Variants in C4orf50 observed in about 807,000 individuals in gnomAD.
C4orf50 encodes uncharacterized protein C4orf50.
C4orf50 carries 80 observed loss-of-function variants against 77.2 expected under a neutral mutation model. That is an observed-to-expected ratio of 1.04 (90% CI 0.87 to 1.25). C4orf50 has a LOEUF of 1.25. Among genes scored for constraint, C4orf50 ranks in the 50% most tolerant of loss-of-function variants. The pLI, the probability that C4orf50 is intolerant of heterozygous loss-of-function variation, is 0.00. For missense variants in C4orf50, 1,257 were observed against 1,152.9 expected, an observed-to-expected ratio of 1.09 and a Z score of -1.31; for synonymous variants, 532 against 465.3, an observed-to-expected ratio of 1.14 and a Z score of -1.84.
downstream of C4orf50, chr4:5,956,670 T>G (rs1718974883): frequency 6.6e-6 from 1 of 152,280 alleles, no homozygotes; most frequent in South Asian, 2.1e-4. Flanking sequence ...GAGGTGGGGC[T>G]CCTTTGTGCA....
intron 32 of C4orf50, among the ~76,000 whole-genome samples, chr4:5,966,609 AC>A (rs1285912522): frequency 6.6e-6 from 1 of 151,870 alleles, no homozygotes; most frequent in Non-Finnish European, 1.5e-5. Context: ...CCAGATGTGC[AC>A]ATCGAATTAT....
At chr4:5,989,984 G>C (rs950390235) in exon 28 of C4orf50, 1 of 1,407,708 alleles carries the variant, frequency 7.1e-7, no homozygotes, top group Non-Finnish European at 9.2e-7. Context: ...CCTGCGAGGA[G>C]CTGACTGTCT....
chr4:5,964,944 A>G, intron 33 of C4orf50, 80 bp downstream of exon 11: 1 of 1,412,836 alleles, frequency 7.1e-7, no homozygotes, highest in Non-Finnish European at 9.8e-7. Flanking sequence ...TATCGCTTGG[A>G]TAATTTGCTA....
chr4:6,013,965 C>A (rs1434047534), intron 23 of C4orf50, among the ~76,000 whole-genome samples: 2 of 151,452 alleles, frequency 1.3e-5, no homozygotes, highest in Admixed American at 1.3e-4. Flanking sequence ...AAACCAGTGA[C>A]AAGTGTGGAT....
At chr4:5,942,906 T>C (rs1435265643) in intron 7 of C4orf50, among the ~76,000 whole-genome samples, 1 of 152,186 alleles carries the variant, frequency 6.6e-6, no homozygotes, top group African/African-American at 2.4e-5. Context: ...AAAATGAACA[T>C]CTCTTACTGG....
chr4:5,988,226 G>A, intron 28 of C4orf50, 121 bp downstream of exon 6: 1 of 1,289,646 alleles, frequency 7.8e-7, no homozygotes, highest in South Asian at 1.4e-5. Flanking sequence ...CTCTCATCTG[G>A]TAAGTGGGGA....
At chr4:5,974,752 G>T (rs1175928266) in intron 30 of C4orf50, among the ~76,000 whole-genome samples, 2 of 152,296 alleles carry the variant, frequency 1.3e-5, no homozygotes, top group East Asian at 3.9e-4. Context: ...TGCTAGCAAA[G>T]AATATATTAA....
chr4:6,008,430 G>C lies in C4orf50; in HGVS notation c.529C>G (p.Leu177Val). Residue 177 changes from leucine to valine, a missense_variant, in exon 25 of 34, where the codon CTG becomes GTG. Transcript: ENST00000531445. The surrounding 1 kb of genome is among the most constrained non-coding windows in gnomAD (Gnocchi z 6.0). ...CGCTGGGTCCGCCGGCAGCGCTCCA[G>C]GGCCGCCGCCTGCTGCCCCAGTGCC... 5.0e-6 allele frequency: 2 copies of C among 396,308 alleles called. No homozygotes were observed. Among genetic ancestry groups the C allele is most frequent in the Non-Finnish European group, 4.5e-6 (1 of 224,574 alleles). The allele number at this position is 396,308 out of a possible 1,614,324, so 24.5% of individuals were successfully genotyped here. A position where few individuals can be genotyped will look rare whatever the true frequency, so the allele number is the denominator to read the frequency against.
At chr4:5,920,067 G>C (rs920459877) in intron 7 of C4orf50, among the ~76,000 whole-genome samples, 1 of 152,212 alleles carries the variant, frequency 6.6e-6, no homozygotes, top group African/African-American at 2.4e-5. Context: ...ATGATTTACA[G>C]CACACACTGT....
At position 5,921,770 on chromosome 4, in the gene C4orf50, T is replaced by C. The variant is rs964177595; in HGVS notation, c.*2475-23582A>G. ...GAGTGGGTGGATATAAGAAGTATTT[T>C]TGCACACAGGAGTGATATAAAAAGT... is the stretch of plus-strand genomic sequence containing the variant. On this transcript the variant is annotated intron_variant, in intron 7 of 7. Transcript: ENST00000324058. 2.6e-5 allele frequency among the ~76,000 whole-genome samples: 4 copies of C among 152,224 alleles called. No individual in the cohort carries two copies. In the East Asian group the frequency reaches 5.8e-4, roughly 22 times the overall value.
exon 28 of C4orf50, chr4:5,989,539 C>A (rs1369388111): frequency 6.5e-7 from 1 of 1,536,036 alleles, no homozygotes; most frequent in African/African-American, 1.4e-5. Context: ...CCAGTTCTCT[C>A]CCCTACATGC....
intron 28 of C4orf50, among the ~76,000 whole-genome samples, chr4:5,983,198 G>T (rs1720691330): frequency 6.6e-6 from 1 of 152,158 alleles, no homozygotes. Flanking sequence ...CCGAACCATT[G>T]TTCTTAGAGC....
chr4:6,018,532 G>C lies in C4orf50; in HGVS notation c.-101C>G, dbSNP rs1171736011. The C allele has an allele frequency of 7.5e-6, 3 of 397,782 alleles. No homozygotes were observed. Among genetic ancestry groups the C allele is most frequent in the Admixed American group, 4.4e-5 (1 of 22,710 alleles). 24.6% of individuals were successfully genotyped at this position (397,782 alleles called of 1,614,324 possible). A position where few individuals can be genotyped will look rare whatever the true frequency, so the allele number is the denominator to read the frequency against. ...AAGGTGGTGTTTGTGACTTCAGATT[G>C]TTCAGGAAAATATCCTTTGAGAAGG... is the stretch of plus-strand genomic sequence containing the variant. On this transcript the variant is annotated 5_prime_UTR_variant, in exon 23 of 34. Coordinates refer to ENST00000531445, the Ensembl canonical transcript of C4orf50. The surrounding 1 kb of genome is among the most constrained non-coding windows in gnomAD (Gnocchi z 5.1).
rs1325839513 is a variant in C4orf50 at position 6,008,427 on chromosome 4, C to T, written c.532G>A (p.Glu178Lys). 3 of 396,080 alleles carry T rather than the reference C, an allele frequency of 7.6e-6. No homozygotes were observed. Among genetic ancestry groups the T allele is most frequent in the Non-Finnish European group, 1.3e-5 (3 of 224,524 alleles). 24.5% of individuals were successfully genotyped at this position (396,080 alleles called of 1,614,324 possible). A position where few individuals can be genotyped will look rare whatever the true frequency, so the allele number is the denominator to read the frequency against. ...CGCCGCTGGGTCCGCCGGCAGCGCT[C>T]CAGGGCCGCCGCCTGCTGCCCCAGT... Residue 178 changes from glutamate to lysine, a missense_variant, in exon 25 of 34, where the codon GAG (glutamate) becomes AAG (lysine). By Grantham distance (56) the Glu-to-Lys change is moderately conservative. Transcript: ENST00000531445. This position sits in a 1 kb window ranked among gnomAD's most constrained non-coding sequence, Gnocchi z 6.0.
At chr4:6,004,778 G>A (rs975951381) in intron 25 of C4orf50, among the ~76,000 whole-genome samples, 1 of 146,742 alleles carries the variant, frequency 6.8e-6, no homozygotes, top group African/African-American at 2.5e-5. Flanking sequence ...TGATGACGGC[G>A]ATGGTGATGG....
intron 25 of C4orf50, among the ~76,000 whole-genome samples, chr4:5,997,141 T>C (rs575800235): frequency 3.9e-5 from 6 of 152,022 alleles, no homozygotes; most frequent in Non-Finnish European, 7.4e-5. Flanking sequence ...ACTAGATAAA[T>C]AGAAAAAGGG....
chr4:5,988,294 C>T (rs1022538678), intron 28 of C4orf50, 53 bp downstream of exon 6: 6 of 1,577,840 alleles, frequency 3.8e-6, no homozygotes, highest in African/African-American at 1.3e-5. Flanking sequence ...ATGGGGTGGC[C>T]CCCGGAACAG....
At chr4:5,936,990 C>G (rs1018327922) in intron 7 of C4orf50, among the ~76,000 whole-genome samples, 1 of 151,464 alleles carries the variant, frequency 6.6e-6, no homozygotes, top group Non-Finnish European at 1.5e-5. Flanking sequence ...AATAGAGAAT[C>G]TAGAATTCTA....
intron 7 of C4orf50, among the ~76,000 whole-genome samples, chr4:5,921,966 G>GA (rs915264957): frequency 7.2e-5 from 11 of 152,102 alleles, no homozygotes; most frequent in African/African-American, 2.7e-4. Flanking sequence ...ATCCCATTTG[G>GA]AAAAAAGCCC....
Sources: allele counts gnomAD v4.1 joint callset (sites outside exome capture counted in the v4.1 genomes callset), GRCh38; gene constraint gnomAD v4.1.1; non-coding constraint Gnocchi (gnomAD v3.1); transcripts MANE v1.5; gene names NCBI Gene and HGNC (gene_info 2026-07-23, HGNC 2026-07-21).